ARHGAP6: variants seen among roughly 807,000 people sequenced by gnomAD.
ARHGAP6 encodes Rho GTPase activating protein 6.
A neutral mutation model predicts 55.7 loss-of-function variants in ARHGAP6; 16 were observed. That is an observed-to-expected ratio of 0.29 (90% CI 0.19 to 0.44). The LOEUF (loss-of-function observed/expected upper bound fraction) is 0.44, where lower values mean the gene tolerates loss of function less well. ARHGAP6 is among the 20% of genes least tolerant of loss of function. The probability of loss-of-function intolerance (pLI) is 1.00; values close to 1 mark genes in which losing one functional copy is unlikely to be tolerated. For synonymous variants in ARHGAP6, 382 were observed against 360.9 expected, an observed-to-expected ratio of 1.06 and a Z score of -0.66; for missense variants, 698 against 808.9, an observed-to-expected ratio of 0.86 and a Z score of 1.66.
intron 2 of ARHGAP6, among the ~76,000 whole-genome samples, chrX:11,230,289 C>T (rs1301171348): frequency 4.5e-5 from 5 of 111,499 alleles, no homozygotes; most frequent in Non-Finnish European, 9.4e-5. Context: ...CCTCTGTCTC[C>T]CGAGTTCAAG....
intron 1 of ARHGAP6, among the ~76,000 whole-genome samples, chrX:11,503,861 CAAAGAGACACACATACACACACACAA>C (rs1220375257): frequency 4.2e-5 from 4 of 95,075 alleles, no homozygotes; most frequent in Non-Finnish European, 6.0e-5. Context: ...CACACACACA[CAAAGAGACACACATACACACACACAA>C]ACACATGCAC....
At chrX:11,227,949 C>T (rs1446413550) in intron 2 of ARHGAP6, among the ~76,000 whole-genome samples, 2 of 109,891 alleles carry the variant, frequency 1.8e-5, no homozygotes, top group African/African-American at 6.6e-5. Flanking sequence ...TTGCTCATGT[C>T]ACAGGAATAC....
At position 11,360,798 on chromosome X, in the gene ARHGAP6, C is replaced by A. The variant is rs1397133411; in HGVS notation, c.589-106091G>T. Among the ~76,000 whole-genome samples, 3 of 111,713 alleles carry A rather than the reference C, an allele frequency of 2.7e-5. No homozygotes were observed. The East Asian group carries it at 8.3e-4, about 31-fold the overall frequency. On this transcript the variant is annotated intron_variant, in intron 1 of 12. Coordinates refer to ENST00000337414, the MANE Select transcript of ARHGAP6 (RefSeq NM_013427.3). The stretch of plus-strand genomic sequence containing the variant: ...AAAATCTCCTTAAGCTGATAAGCAA[C>A]CTCAGCAAAGTCTCAGGATACAAAA...
At chrX:11,335,974 A>G (rs1350664368) in intron 1 of ARHGAP6, 2 of 119,304 alleles carry the variant, frequency 1.7e-5, no homozygotes, top group Non-Finnish European at 3.4e-5. Flanking sequence ...GTGCAGAACC[A>G]GGGGGCATGG....
chrX:11,441,334 T>C, intron 1 of ARHGAP6, among the ~76,000 whole-genome samples: 1 of 112,083 alleles, frequency 8.9e-6, no homozygotes, highest in South Asian at 3.7e-4. Flanking sequence ...TAATTGGGTC[T>C]TGTCTTTGCA....
intron 2 of ARHGAP6, among the ~76,000 whole-genome samples, chrX:11,227,800 CTTTTTTT>C (rs772345343): frequency 5.9e-5 from 6 of 101,784 alleles, no homozygotes; most frequent in Admixed American, 2.1e-4. Flanking sequence ...TTTCTTTTTT[CTTTTTTT>C]TTTTTTGACT....
chrX:11,430,287 A>G (rs2049928564), intron 1 of ARHGAP6, among the ~76,000 whole-genome samples: 1 of 112,745 alleles, frequency 8.9e-6, no homozygotes, highest in African/African-American at 3.2e-5. Flanking sequence ...GTGTACTTAC[A>G]TTTTAGGAAT....
chrX:11,407,928 T>C (rs1403699295), intron 1 of ARHGAP6, among the ~76,000 whole-genome samples: 1 of 111,343 alleles, frequency 9.0e-6, no homozygotes, highest in African/African-American at 3.3e-5. Flanking sequence ...GCACAATGAA[T>C]GTTCTAAGGA....
At chrX:11,583,526 C>A (rs959821664) in intron 1 of ARHGAP6, among the ~76,000 whole-genome samples, 3 of 112,428 alleles carry the variant, frequency 2.7e-5, no homozygotes, top group African/African-American at 9.7e-5. Flanking sequence ...AAAAAGGGAA[C>A]AGCATAGCCA....
intron 1 of ARHGAP6, among the ~76,000 whole-genome samples, chrX:11,540,019 G>T (rs1198154747): frequency 1.8e-5 from 2 of 110,723 alleles, no homozygotes; most frequent in Non-Finnish European, 3.8e-5. Flanking sequence ...ACTTAGGGAG[G>T]CCGAGGTAGG....
At chrX:11,626,763 A>C (rs1186131617) in intron 1 of ARHGAP6, among the ~76,000 whole-genome samples, 2 of 112,039 alleles carry the variant, frequency 1.8e-5, no homozygotes, top group East Asian at 5.5e-4. Flanking sequence ...TTTAAAATCT[A>C]AGACAAGATG....
intron 9 of ARHGAP6, among the ~76,000 whole-genome samples, chrX:11,164,764 T>TAAG (rs754363326): frequency 8.9e-6 from 1 of 112,156 alleles, no homozygotes; most frequent in South Asian, 3.7e-4. Context: ...GCCCCTCTCC[T>TAAG]AAGAAGAAGT....
At chrX:11,476,178 G>A (rs1431542939) in intron 1 of ARHGAP6, among the ~76,000 whole-genome samples, 3 of 110,751 alleles carry the variant, frequency 2.7e-5, no homozygotes, top group Non-Finnish European at 5.7e-5. Flanking sequence ...AGCCACTAGA[G>A]CTATAAGTAG....
chrX:11,259,222 T>C (rs1233346667), intron 1 of ARHGAP6, among the ~76,000 whole-genome samples: 1 of 111,880 alleles, frequency 8.9e-6, no homozygotes, highest in Non-Finnish European at 1.9e-5. Context: ...AACCCACAAA[T>C]AGGTAAGAAC....
intron 1 of ARHGAP6, among the ~76,000 whole-genome samples, chrX:11,639,555 T>C (rs947860394): frequency 9.0e-6 from 1 of 111,398 alleles, no homozygotes; most frequent in African/African-American, 3.3e-5. Flanking sequence ...TCCTTTTTTA[T>C]GGTTGCAGAG....
chrX:11,503,339 G>A (rs946585600), intron 1 of ARHGAP6, among the ~76,000 whole-genome samples: 14 of 111,632 alleles, frequency 1.3e-4, no homozygotes, highest in African/African-American at 3.9e-4. Context: ...GTGAAACTTC[G>A]CTTCTTCCAT....
chrX:11,616,716 T>C (rs1271368875), intron 1 of ARHGAP6, among the ~76,000 whole-genome samples: 1 of 112,012 alleles, frequency 8.9e-6, no homozygotes. Flanking sequence ...TTTAGCCTAG[T>C]AGTTCTCAGC....
chrX:11,626,976 A>G (rs763670818), intron 1 of ARHGAP6, among the ~76,000 whole-genome samples: 1 of 111,917 alleles, frequency 8.9e-6, no homozygotes, highest in South Asian at 3.7e-4. Flanking sequence ...TAATTCAGCA[A>G]GGTTGTTTAA....
rs181239158 is a variant in ARHGAP6 at position 11,562,185 on chromosome X, G to C, written c.588+102056C>G. Among the ~76,000 whole-genome samples, 41 of 112,133 alleles carry C rather than the reference G, an allele frequency of 3.7e-4. 1 individual carries two copies. The East Asian group carries it at 9.8e-3, about 27-fold the overall frequency. ...AAGGATGACAACAAAATGAATAGCA[G>C]CCACACTGGGGGAACCACTTAAAAG... On this transcript the variant is annotated intron_variant, in intron 1 of 12. Transcript: ENST00000337414.
Sources: gnomAD v4.1 joint callset for allele counts (sites outside exome capture counted in the v4.1 genomes callset) on GRCh38, gnomAD v4.1.1 for gene constraint, MANE v1.5 for transcripts, NCBI Gene and HGNC (gene_info 2026-07-23, HGNC 2026-07-21) for gene names.